LRRC4C: variants seen among roughly 807,000 people sequenced by gnomAD.
LRRC4C encodes the protein leucine rich repeat containing 4C.
In LRRC4C, 5 loss-of-function variants were observed where a neutral mutation model predicts 33.6. The ratio of observed to expected loss-of-function variants is 0.15; its 90% CI spans 0.08 to 0.31. The LOEUF is 0.31. Ranked by LOEUF, LRRC4C falls within the 10% of genes least tolerant of loss-of-function variation. LRRC4C has a pLI of 1.00. For synonymous variants in LRRC4C, 329 were observed against 302.0 expected (o/e 1.09, Z -0.93); for missense variants, 560 against 796.7 (o/e 0.70, Z 3.58).
At chr11:40,767,783 A>T (rs572133352) in intron 2 of LRRC4C, among the ~76,000 whole-genome samples, 1 of 152,192 alleles carries the variant, frequency 6.6e-6, no homozygotes, top group Non-Finnish European at 1.5e-5. Flanking sequence ...TAAAAATGAA[A>T]ATGCAACATA....
At chr11:40,364,940 C>T (rs1948141279) in intron 3 of LRRC4C, among the ~76,000 whole-genome samples, 1 of 151,630 alleles carries the variant, frequency 6.6e-6, no homozygotes, top group African/African-American at 2.4e-5. Context: ...ACCTGTTAAC[C>T]TAGAATCCTA....
At chr11:40,812,098 CT>C (rs1192578831) in intron 2 of LRRC4C, among the ~76,000 whole-genome samples, 1 of 152,080 alleles carries the variant, frequency 6.6e-6, no homozygotes, top group African/African-American at 2.4e-5. Context: ...ATGTAATTGT[CT>C]GTAATTTTTG....
intron 2 of LRRC4C, among the ~76,000 whole-genome samples, chr11:40,819,430 A>G (rs1951833439): frequency 6.6e-6 from 1 of 152,126 alleles, no homozygotes. Context: ...CTGGATGGAG[A>G]TTCAGCCAGA....
At chr11:40,964,658 A>G (rs1239364112) in intron 1 of LRRC4C, among the ~76,000 whole-genome samples, 2 of 151,708 alleles carry the variant, frequency 1.3e-5, no homozygotes, top group African/African-American at 2.4e-5. Context: ...GCTAAGAATG[A>G]TGGTTTCCAG....
intron 1 of LRRC4C, among the ~76,000 whole-genome samples, chr11:41,327,930 A>G (rs541983162): frequency 3.3e-5 from 5 of 152,230 alleles, no homozygotes; most frequent in Non-Finnish European, 4.4e-5. Context: ...TCCTTTATAA[A>G]TTACCCAGTC....
rs12418793 is a variant in LRRC4C, at chr11:40,278,312, A to C, written c.-175-36714T>G. 4.4e-3 allele frequency among the ~76,000 whole-genome samples: 676 copies of C among 152,240 alleles called. 3 individuals carry two copies. Among genetic ancestry groups the C allele is most frequent in the Middle Eastern group, 0.01 (3 of 294 alleles). On this transcript the variant is annotated intron_variant, in intron 4 of 6. Coordinates refer to ENST00000528697, the MANE Select transcript of LRRC4C (RefSeq NM_001258419.2). ...GGGTGGGCAGAATCGAGAGATCTGG[A>C]ATGGCGTATGTCACTGCTAAGACCT...
intron 1 of LRRC4C, among the ~76,000 whole-genome samples, chr11:41,116,143 G>A (rs751360045): frequency 1.3e-5 from 2 of 152,078 alleles, no homozygotes; most frequent in South Asian, 2.1e-4. Flanking sequence ...ATATGAATAT[G>A]TATCATCAAG....
chr11:40,228,260 TGAG>T (rs1323656488), intron 5 of LRRC4C, among the ~76,000 whole-genome samples: 5 of 152,194 alleles, frequency 3.3e-5, no homozygotes, highest in Admixed American at 3.3e-4. Flanking sequence ...AATCTCCACA[TGAG>T]AAGTACTGCA....
At chr11:40,589,649 A>G (rs1958939487) in intron 3 of LRRC4C, among the ~76,000 whole-genome samples, 1 of 151,738 alleles carries the variant, frequency 6.6e-6, no homozygotes, top group Non-Finnish European at 1.5e-5. Flanking sequence ...TGCTTCCTTC[A>G]GGAGCTCTTT....
At chr11:40,534,393 G>C (rs1479969276) in intron 3 of LRRC4C, among the ~76,000 whole-genome samples, 1 of 152,032 alleles carries the variant, frequency 6.6e-6, no homozygotes, top group Admixed American at 6.6e-5. Flanking sequence ...TAAAACATCT[G>C]TGCCAGTTCT....
chr11:40,438,516 A>C (rs1951241734), intron 3 of LRRC4C, among the ~76,000 whole-genome samples: 1 of 152,196 alleles, frequency 6.6e-6, no homozygotes, highest in African/African-American at 2.4e-5. Flanking sequence ...CTTTTTAAGC[A>C]ATTTGTGTCC....
chr11:40,774,714 GA>G (rs1949907923), intron 2 of LRRC4C, among the ~76,000 whole-genome samples: 1 of 151,964 alleles, frequency 6.6e-6, no homozygotes, highest in Non-Finnish European at 1.5e-5. Flanking sequence ...CTTTATATTG[GA>G]AAAAAATTTA....
At chr11:40,372,278 C>T (rs1457829629) in intron 3 of LRRC4C, among the ~76,000 whole-genome samples, 1 of 152,090 alleles carries the variant, frequency 6.6e-6, no homozygotes, top group African/African-American at 2.4e-5. Flanking sequence ...ATCAAGGGTC[C>T]CAACCAGACA....
At chr11:41,103,289 G>A (rs1221834920) in intron 1 of LRRC4C, among the ~76,000 whole-genome samples, 1 of 151,902 alleles carries the variant, frequency 6.6e-6, no homozygotes, top group Non-Finnish European at 1.5e-5. Flanking sequence ...TGTGGAAATT[G>A]TTGTTCAGAG....
In LRRC4C at chr11:41,059,038, A is replaced by T. The variant is rs535941384; in HGVS notation, c.-495-125315T>A. Among the ~76,000 whole-genome samples, 11 of 152,206 alleles carry T rather than the reference A, an allele frequency of 7.2e-5. No homozygotes were observed. In the South Asian group the frequency reaches 2.3e-3, roughly 32 times the overall value. ...ATGGACACAAACTAGGGAACAATAG[A>T]CACCAGGGCTGACTTGAGGGTAGAA... On this transcript the variant is annotated intron_variant, in intron 1 of 6. Coordinates refer to ENST00000528697, the MANE Select transcript of LRRC4C (RefSeq NM_001258419.2).
chr11:40,116,600 C>T (rs1855454752), intron 6 of LRRC4C, among the ~76,000 whole-genome samples: 1 of 152,050 alleles, frequency 6.6e-6, no homozygotes, highest in Non-Finnish European at 1.5e-5. Context: ...TATTGTTTAC[C>T]AACCAAATGT....
intron 3 of LRRC4C, among the ~76,000 whole-genome samples, chr11:40,609,872 G>A (rs1961024441): frequency 6.6e-6 from 1 of 151,858 alleles, no homozygotes; most frequent in Admixed American, 6.6e-5. Flanking sequence ...TTAACGGAAG[G>A]ACGAGTTAGA....
chr11:40,947,605 A>G (rs1004740990), intron 1 of LRRC4C, among the ~76,000 whole-genome samples: 10 of 152,056 alleles, frequency 6.6e-5, no homozygotes, highest in Non-Finnish European at 1.3e-4. Flanking sequence ...CTCAAGCCAT[A>G]CTAGTTTCCT....
chr11:40,399,244 T>G (rs966308036), intron 3 of LRRC4C, among the ~76,000 whole-genome samples: 2 of 152,148 alleles, frequency 1.3e-5, no homozygotes, highest in Non-Finnish European at 2.9e-5. Flanking sequence ...GTATGTTTAT[T>G]GTGGCACTAT....
Sources: allele counts gnomAD v4.1 joint callset (sites outside exome capture counted in the v4.1 genomes callset), GRCh38; gene constraint gnomAD v4.1.1; transcripts MANE v1.5; gene names NCBI Gene and HGNC (gene_info 2026-07-23, HGNC 2026-07-21).